The following USP34 variants were observed in gnomAD, a reference collection of about 807,000 sequenced individuals.
USP34 encodes the protein ubiquitin carboxyl-terminal hydrolase 34.
Under a neutral mutation model 460.3 loss-of-function variants are expected in USP34, and 70 were observed. The ratio of observed to expected loss-of-function variants is 0.15; its 90% confidence interval spans 0.13 to 0.19. USP34 has a LOEUF of 0.19. Among genes scored for constraint, USP34 ranks in the 10% least tolerant of loss-of-function variants. The probability of loss-of-function intolerance (pLI) is 1.00; values close to 1 mark genes in which losing one functional copy is unlikely to be tolerated. For missense variants in USP34, 3,985 were observed against 4,236.2 expected (o/e 0.94, Z 1.65); for synonymous variants, 1,647 against 1,405.3 (o/e 1.17, Z -3.85).
rs377597757 is a variant in USP34 at position 61,266,036 on chromosome 2, A to G, written c.5565T>C (p.Ser1855=). 1.2e-6 allele frequency: 2 copies of G among 1,613,910 alleles called. No homozygotes were observed. Among genetic ancestry groups the G allele is most frequent in the East Asian group, 4.5e-5 (2 of 44,882 alleles). ...TGTGTATTAGCCTGTAGTTCTCAACAGACCCCTTTACCATCTCTACTAACA... is the reference window on the plus strand; with the variant it reads ...TGTGTATTAGCCTGTAGTTCTCAACGGACCCCTTTACCATCTCTACTAACA... ...YDLLVEMVKG[S]VENYRLIHNW... is the part of the protein sequence containing the mutation. The change falls in exon 42 of 80, where the codon TCT becomes TCC. Residue 1855 remains serine, a synonymous_variant. Coordinates refer to ENST00000398571, the MANE Select transcript of USP34 (RefSeq NM_014709.4).
intron 78 of USP34, 171 bp from the exon 79 acceptor site, chr2:61,189,240 C>A (rs1450025095): frequency 3.2e-6 from 2 of 623,952 alleles, no homozygotes; most frequent in South Asian, 2.9e-5. Context: ...TGTTAAGATA[C>A]TACAGCATTT....
Position 61,342,699 on chromosome 2 carries a change from G to C in USP34, c.2500+1116C>G, listed in dbSNP as rs1691643789. 2.0e-5 allele frequency among the ~76,000 whole-genome samples: 3 copies of C among 152,100 alleles called. No individual in the cohort carries two copies. The South Asian group carries it at 6.2e-4, about 32-fold the overall frequency. ...TTAAACTGACTGTCTTACTCTGTTG[G>C]AGGAGGTCTTCTAGTACTAAAAACA... On this transcript the variant is annotated intron_variant, in intron 16 of 79. Transcript: ENST00000398571.
chr2:61,203,942 A>AC (rs1687043973), intron 74 of USP34, among the ~76,000 whole-genome samples: 1 of 151,828 alleles, frequency 6.6e-6, no homozygotes, highest in Non-Finnish European at 1.5e-5. Context: ...AAAAAAAAAA[A>AC]AACAGTACCT....
chr2:61,328,826 A>C (rs1244074773), intron 20 of USP34, among the ~76,000 whole-genome samples: 2 of 152,112 alleles, frequency 1.3e-5, no homozygotes, highest in Non-Finnish European at 2.9e-5. Flanking sequence ...AGGATGATTC[A>C]CTTTATGACT....
intron 19 of USP34, among the ~76,000 whole-genome samples, chr2:61,332,573 T>C (rs1353603280): frequency 6.6e-6 from 1 of 151,988 alleles, no homozygotes; most frequent in African/African-American, 2.4e-5. Flanking sequence ...CCACTGACTA[T>C]AATGACACCT....
At position 61,192,954 on chromosome 2, in the gene USP34, G is replaced by A. The variant is rs865933856; in HGVS notation, c.9535C>T (p.Pro3179Ser). ...LSVLVAYEGL[P>S]LHLALFPKLW... ...TTGGGGAACAGTGCAAGATGAAGTG[G>A]CAAACCTTCATAGGCAACTAGGACA... The change falls in exon 76 of 80, where the codon CCA becomes TCA. Residue 3179 changes from proline to serine, a missense_variant. By Grantham distance (74) the Pro-to-Ser change is moderately conservative (BLOSUM62 -1). Transcript: ENST00000398571. 1 of 1,613,740 alleles carries A rather than the reference G, an allele frequency of 6.2e-7. No individual in the cohort carries two copies. Among genetic ancestry groups the A allele is most frequent in the Non-Finnish European group, 8.5e-7 (1 of 1,179,798 alleles).
At chr2:61,362,464 G>C (rs192096348) in intron 10 of USP34, among the ~76,000 whole-genome samples, 2 of 152,100 alleles carry the variant, frequency 1.3e-5, no homozygotes, top group Non-Finnish European at 2.9e-5. Context: ...TACACACATA[G>C]GGATATTATT....
chr2:61,230,037 A>ACTAT (rs1328502781), intron 58 of USP34, among the ~76,000 whole-genome samples: 1 of 146,776 alleles, frequency 6.8e-6, no homozygotes, highest in Non-Finnish European at 1.5e-5. Flanking sequence ...CTTTAAAGAT[A>ACTAT]CACAAGTGAC....
chr2:61,408,264 A>G (rs1240568160), intron 2 of USP34, among the ~76,000 whole-genome samples: 1 of 152,104 alleles, frequency 6.6e-6, no homozygotes, highest in Non-Finnish European at 1.5e-5. Flanking sequence ...ATTATAGGAA[A>G]CCCGACCCAG....
rs778595030 is a variant in USP34 at position 61,370,370 on chromosome 2, T to C, written c.1202A>G (p.Glu401Gly). 1.2e-6 allele frequency: 2 copies of C among 1,614,118 alleles called. No individual in the cohort carries two copies. Among genetic ancestry groups the C allele is most frequent in the East Asian group, 4.5e-5 (2 of 44,864 alleles). The change falls in exon 10 of 80, where the codon GAA becomes GGA. Residue 401 changes from glutamate (E) to glycine (G), a missense_variant. Around this residue, in one of 14 missense-constraint regions of USP34, gnomAD observed 716 missense variants for 626.2 expected, o/e 1.14. Coordinates refer to ENST00000398571, the MANE Select transcript of USP34 (RefSeq NM_014709.4). ...AATATGTTGAGTACTCAGTCGCCCT[T>C]CTGCTGCCAAAAAATTCAAAATCAC... is the stretch of plus-strand genomic sequence containing the variant. ...CQVILNFLAA[E>G]GRLSTQHIDC...
rs1363800422 is a variant in USP34 at position 61,300,361 on chromosome 2, G to T, written c.4128+590C>A. Among the ~76,000 whole-genome samples, 3 of 151,608 alleles carry T rather than the reference G, an allele frequency of 2.0e-5. No homozygotes were observed. In the East Asian group the frequency reaches 5.9e-4, roughly 30 times the overall value. The stretch of plus-strand genomic sequence containing the variant: ...ACGGCACCATGCCCAGCTAATTTTT[G>T]TATTTTTAGTAGAGACGGGGTTTCA... On this transcript the variant is annotated intron_variant, in intron 29 of 79. Transcript: ENST00000398571.
chr2:61,270,698 T>C (rs1468593153), intron 41 of USP34, among the ~76,000 whole-genome samples: 1 of 152,202 alleles, frequency 6.6e-6, no homozygotes, highest in Non-Finnish European at 1.5e-5. Context: ...GGCCTCCCAA[T>C]GTGCTGGGAT....
At chr2:61,320,096 T>C (rs1300820227) in intron 21 of USP34, among the ~76,000 whole-genome samples, 1 of 152,184 alleles carries the variant, frequency 6.6e-6, no homozygotes, top group Non-Finnish European at 1.5e-5. Context: ...ACAAATTCAG[T>C]GGGCTCGCTT....
At chr2:61,326,067 A>C (rs997180188) in intron 20 of USP34, among the ~76,000 whole-genome samples, 4 of 152,232 alleles carry the variant, frequency 2.6e-5, no homozygotes, top group Non-Finnish European at 5.9e-5. Flanking sequence ...GAATAGATCA[A>C]CAAGAGACAG....
In USP34 at chr2:61,255,861, G is replaced by C. The variant is rs1056291299; in HGVS notation, c.6221+523C>G. On this transcript the variant is annotated intron_variant, in intron 48 of 79. Transcript: ENST00000398571. Reference sequence around the variant, plus strand: ...ATAGTATTGCAATGCTTCTGTTCAAGTAACCCTTATTTGACTTAATAATGG... The same window carrying C: ...ATAGTATTGCAATGCTTCTGTTCAACTAACCCTTATTTGACTTAATAATGG... 2.0e-5 allele frequency among the ~76,000 whole-genome samples: 3 copies of C among 152,274 alleles called. No homozygotes were observed. The East Asian group carries it at 5.8e-4, about 29-fold the overall frequency.
chr2:61,370,390 A>C lies in USP34; in HGVS notation c.1182T>G (p.Ile394Met). The change falls in exon 10 of 80, where the codon ATT (isoleucine) becomes ATG (methionine). Residue 394 changes from isoleucine to methionine, a missense_variant. Around this residue, in one of 14 missense-constraint regions of USP34, gnomAD observed 716 missense variants for 626.2 expected, o/e 1.14. Transcript: ENST00000398571. ...HIEIIKQCQV[I>M]LNFLAAEGRL... is the part of the protein sequence containing the mutation. The stretch of plus-strand genomic sequence containing the variant: ...GCCCTTCTGCTGCCAAAAAATTCAA[A>C]ATCACTTGGCACTGTTTGATAATCT... The C allele has an allele frequency of 6.2e-7, 1 of 1,614,130 alleles. No individual in the cohort carries two copies. The highest frequency in any genetic ancestry group is 8.5e-7 in the Non-Finnish European group (1 of 1,179,986).
At chr2:61,280,966 C>G (rs1250417204) in intron 38 of USP34, 124 bp downstream of exon 38, 2 of 1,042,676 alleles carry the variant, frequency 1.9e-6, no homozygotes, top group Non-Finnish European at 2.8e-6. Context: ...AACTACTATC[C>G]TCTTGGTAAA....
chr2:61,417,317 T>A, intron 2 of USP34: 1 of 703,552 alleles, frequency 1.4e-6, no homozygotes, highest in Non-Finnish European at 2.5e-6. Flanking sequence ...AGCTGCTGTT[T>A]ACAGCCATTG....
intron 19 of USP34, 42 bp from the exon 20 acceptor site, chr2:61,331,413 G>A (rs898534704): frequency 8.5e-6 from 13 of 1,532,792 alleles, no homozygotes; most frequent in Middle Eastern, 1.8e-4. Context: ...AGTGGGCAGG[G>A]TAAGAGAATA....
Sources: allele counts gnomAD v4.1 joint callset (sites outside exome capture counted in the v4.1 genomes callset), GRCh38; gene constraint gnomAD v4.1.1; regional missense constraint gnomAD v4.1.1; transcripts MANE v1.5; gene names NCBI Gene and HGNC (gene_info 2026-07-23, HGNC 2026-07-21).